Variants in GMDS observed in about 807,000 individuals in gnomAD.
GMDS encodes GDP-mannose 4,6 dehydratase.
Under a neutral mutation model 49.9 loss-of-function variants are expected in GMDS, and 20 were observed. The observed-to-expected ratio is 0.40, with a 90% CI of 0.28 to 0.58. GMDS has a LOEUF of 0.58. Among genes scored for constraint, GMDS ranks in the 20% least tolerant of loss-of-function variants. The pLI is 0.42. For missense variants in GMDS, 362 were observed against 481.4 expected (o/e 0.75, Z 2.32); for synonymous variants, 177 against 178.6 (o/e 0.99, Z 0.07).
chr6:1,813,223 T>TA (rs56705761), intron 7 of GMDS, among the ~76,000 whole-genome samples: 5,072 of 84,808 alleles, frequency 0.06, 335 homozygotes, highest in African/African-American at 0.19. Context: ...CTCTGTCTCT[T>TA]AAAAAAAAAA....
intron 5 of GMDS, 55 bp from the exon 6 acceptor site, chr6:1,960,026 T>G: frequency 1.0e-6 from 1 of 999,482 alleles, no homozygotes; most frequent in Non-Finnish European, 1.6e-6. Flanking sequence ...ACAGTGATTC[T>G]CACCATCTTC....
chr6:1,790,862 C>T, intron 7 of GMDS, among the ~76,000 whole-genome samples: 1 of 152,052 alleles, frequency 6.6e-6, no homozygotes, highest in East Asian at 1.9e-4. Flanking sequence ...ATGTTCATGC[C>T]CTAACTCCTA....
At chr6:1,879,012 T>C (rs1298675182) in intron 7 of GMDS, among the ~76,000 whole-genome samples, 1 of 152,192 alleles carries the variant, frequency 6.6e-6, no homozygotes, top group African/African-American at 2.4e-5. Context: ...GCTGTATTCA[T>C]CCTGTTGTCC....
At chr6:2,122,922 T>C (rs1775220058) in intron 2 of GMDS, among the ~76,000 whole-genome samples, 1 of 152,228 alleles carries the variant, frequency 6.6e-6, no homozygotes, top group Non-Finnish European at 1.5e-5. Flanking sequence ...TTAACTATGA[T>C]TTGCCAAGTG....
chr6:2,093,709 A>G (rs143350148), intron 4 of GMDS, among the ~76,000 whole-genome samples: 112 of 152,302 alleles, frequency 7.4e-4, no homozygotes, highest in African/African-American at 2.6e-3. Context: ...TAAAAAAGAT[A>G]CAAATTAAAT....
At chr6:2,077,531 T>C (rs978083386) in intron 4 of GMDS, among the ~76,000 whole-genome samples, 1 of 152,176 alleles carries the variant, frequency 6.6e-6, no homozygotes, top group Non-Finnish European at 1.5e-5. Flanking sequence ...CTACAACTAT[T>C]GAGATGATCG....
intron 7 of GMDS, among the ~76,000 whole-genome samples, chr6:1,828,938 C>T (rs1461047530): frequency 6.6e-6 from 1 of 152,184 alleles, no homozygotes; most frequent in Non-Finnish European, 1.5e-5. Flanking sequence ...GACTGCAAGC[C>T]TTGCTGATAC....
At chr6:1,634,359 C>T (rs938290071) in intron 9 of GMDS, among the ~76,000 whole-genome samples, 1 of 152,228 alleles carries the variant, frequency 6.6e-6, no homozygotes. Flanking sequence ...TCATTTCCTC[C>T]TGCCTGAAGT....
intron 7 of GMDS, among the ~76,000 whole-genome samples, chr6:1,779,652 C>A (rs1768996723): frequency 6.6e-6 from 1 of 152,192 alleles, no homozygotes. Context: ...TGTTTCCCAT[C>A]CCCTCCCAAG....
At chr6:2,061,044 G>C (rs911357234) in intron 4 of GMDS, among the ~76,000 whole-genome samples, 2 of 151,994 alleles carry the variant, frequency 1.3e-5, no homozygotes, top group Non-Finnish European at 2.9e-5. Flanking sequence ...AAAGGGAAAG[G>C]GAAAGAAAAG....
intron 4 of GMDS, among the ~76,000 whole-genome samples, chr6:2,100,999 T>C (rs1462244307): frequency 1.3e-5 from 2 of 152,008 alleles, no homozygotes; most frequent in Non-Finnish European, 2.9e-5. Flanking sequence ...ATGAAAGATA[T>C]TGCAATTTTT....
At chr6:2,182,905 G>A (rs570362044) in intron 1 of GMDS, among the ~76,000 whole-genome samples, 28 of 152,106 alleles carry the variant, frequency 1.8e-4, no homozygotes, top group South Asian at 8.3e-4. Context: ...ACAGGGTTTC[G>A]CCATGTTCCC....
At chr6:1,929,275 T>C in intron 7 of GMDS, among the ~76,000 whole-genome samples, 1 of 152,202 alleles carries the variant, frequency 6.6e-6, no homozygotes. Context: ...AATAGGCTCA[T>C]GAGCACAGGA....
chr6:1,748,670 T>C (rs1319362552), intron 7 of GMDS, among the ~76,000 whole-genome samples: 2 of 152,250 alleles, frequency 1.3e-5, no homozygotes, highest in Non-Finnish European at 2.9e-5. Context: ...TCTCTGCTGT[T>C]GCAGCACAAA....
chr6:2,114,471 G>A (rs901517603), intron 4 of GMDS, among the ~76,000 whole-genome samples: 3 of 152,160 alleles, frequency 2.0e-5, no homozygotes, highest in Non-Finnish European at 4.4e-5. Flanking sequence ...CAAGCACACA[G>A]TATGCATAAG....
At chr6:1,674,313 A>G (rs894648394) in intron 9 of GMDS, among the ~76,000 whole-genome samples, 2 of 152,028 alleles carry the variant, frequency 1.3e-5, no homozygotes, top group African/African-American at 4.8e-5. Context: ...TGCCATCTGT[A>G]TATCTTCTTT....
At chr6:1,667,749 T>C (rs1297488376) in intron 9 of GMDS, among the ~76,000 whole-genome samples, 1 of 151,908 alleles carries the variant, frequency 6.6e-6, no homozygotes, top group Non-Finnish European at 1.5e-5. Flanking sequence ...TTGTAAGTAA[T>C]ATATTTGTAT....
intron 6 of GMDS, among the ~76,000 whole-genome samples, chr6:1,936,643 T>C (rs1000754702): frequency 2.0e-5 from 3 of 152,164 alleles, no homozygotes; most frequent in African/African-American, 4.8e-5. Context: ...AGGTCAAGCA[T>C]GGACCGCTTA....
chr6:2,129,090 G>A (rs1270503761), intron 1 of GMDS, among the ~76,000 whole-genome samples: 1 of 152,182 alleles, frequency 6.6e-6, no homozygotes. Context: ...TCCAGACAGA[G>A]TTATGTAAAA....
Sources: gnomAD v4.1 joint callset for allele counts (sites outside exome capture counted in the v4.1 genomes callset) on GRCh38, gnomAD v4.1.1 for gene constraint, MANE v1.5 for transcripts, NCBI Gene and HGNC (gene_info 2026-07-23, HGNC 2026-07-21) for gene names.